MERTK: variants seen among roughly 807,000 people sequenced by gnomAD.
The protein encoded by MERTK is MER proto-oncogene, tyrosine kinase.
In MERTK, 69 loss-of-function variants were observed where a neutral mutation model predicts 99.3. The observed-to-expected ratio is 0.70, with a 90% CI of 0.57 to 0.85. The LOEUF (loss-of-function observed/expected upper bound fraction) is 0.85, where lower values mean the gene tolerates loss of function less well. MERTK is among the 40% of genes least tolerant of loss of function. The pLI is 0.00. For missense variants in MERTK, 1,125 were observed against 1,249.4 expected, an observed-to-expected ratio of 0.90 and a Z score of 1.50; for synonymous variants, 426 against 467.6, an observed-to-expected ratio of 0.91 and a Z score of 1.15.
At chr2:112,021,217 A>T (rs1351109743) in intron 16 of MERTK, 1 of 216,536 alleles carries the variant, frequency 4.6e-6, no homozygotes, top group Non-Finnish European at 7.9e-6. Flanking sequence ...TCAAAAAAAA[A>T]ATTGCATCAC....
chr2:111,940,767 A>G, intron 2 of MERTK: 1 of 1,001,992 alleles, frequency 1.0e-6, no homozygotes, highest in Non-Finnish European at 1.6e-6. Context: ...CTCCATATTC[A>G]AATCTAACAG....
chr2:111,903,952 T>C (rs1684091458), intron 1 of MERTK, among the ~76,000 whole-genome samples: 1 of 152,236 alleles, frequency 6.6e-6, no homozygotes, highest in African/African-American at 2.4e-5. Flanking sequence ...GAGGGTTCTT[T>C]TCTTATTGAA....
chr2:111,962,153 A>G (rs931182864), intron 4 of MERTK, among the ~76,000 whole-genome samples: 1 of 152,228 alleles, frequency 6.6e-6, no homozygotes, highest in Non-Finnish European at 1.5e-5. Flanking sequence ...TGTGTGCCAC[A>G]GATATAGAAG....
intron 1 of MERTK, among the ~76,000 whole-genome samples, chr2:111,900,615 G>A (rs561575574): frequency 1.3e-5 from 2 of 152,264 alleles, no homozygotes; most frequent in African/African-American, 4.8e-5. Flanking sequence ...TTTTGTAGCT[G>A]ACAATCAACT....
chr2:111,905,190 A>G (rs7595212), intron 1 of MERTK, among the ~76,000 whole-genome samples: 34,962 of 152,072 alleles, frequency 0.23, 4,335 homozygotes, highest in Middle Eastern at 0.37. Context: ...AGCCACAGGA[A>G]GGGAGGGCCT....
At chr2:111,968,321 T>C in intron 6 of MERTK, 69 bp downstream of exon 6, 1 of 1,289,640 alleles carries the variant, frequency 7.8e-7, no homozygotes. Context: ...TTTTTCTTCC[T>C]TCCAAGGATG....
intron 1 of MERTK, among the ~76,000 whole-genome samples, chr2:111,928,143 G>A (rs1684601747): frequency 6.6e-6 from 1 of 151,504 alleles, no homozygotes; most frequent in Non-Finnish European, 1.5e-5. Context: ...TTCTATAGCT[G>A]GTAACTTAAG....
intron 2 of MERTK, among the ~76,000 whole-genome samples, chr2:111,943,902 C>G (rs145118954): frequency 0.01 from 1,575 of 152,248 alleles, 16 homozygotes; most frequent in Middle Eastern, 0.031. Context: ...TGGAGCCCCC[C>G]TAGTCATTGT....
intron 4 of MERTK, among the ~76,000 whole-genome samples, chr2:111,948,391 C>T (rs1684997534): frequency 6.6e-6 from 1 of 152,160 alleles, no homozygotes; most frequent in Non-Finnish European, 1.5e-5. Flanking sequence ...AGATGCTTCC[C>T]CTTGGGAGAG....
At chr2:111,996,945 T>G in intron 9 of MERTK, 1 of 272,840 alleles carries the variant, frequency 3.7e-6, no homozygotes, top group Non-Finnish European at 7.2e-6. Flanking sequence ...GTTTCTAACA[T>G]TTTAAACTAC....
Position 111,933,762 on chromosome 2 carries a change from G to A in MERTK, c.482+4222G>A, listed in dbSNP as rs530491371. 3.3e-5 allele frequency among the ~76,000 whole-genome samples: 5 copies of A among 152,156 alleles called. No individual in the cohort carries two copies. In the South Asian group the frequency reaches 6.2e-4, roughly 19 times the overall value. ...ATACTTTAAGTTCTGGGATACATGTGCAGAATGTGCAGGTTTGTTACATAG... is the reference window on the plus strand; with the variant it reads ...ATACTTTAAGTTCTGGGATACATGTACAGAATGTGCAGGTTTGTTACATAG... On this transcript the variant is annotated intron_variant, in intron 2 of 18. Coordinates refer to ENST00000295408, the MANE Select transcript of MERTK (RefSeq NM_006343.3).
At chr2:111,925,758 A>G (rs900757147) in intron 1 of MERTK, among the ~76,000 whole-genome samples, 7 of 152,116 alleles carry the variant, frequency 4.6e-5, no homozygotes, top group Non-Finnish European at 4.4e-5. Context: ...ACTGAAGATT[A>G]TACCCCAAAT....
chr2:111,910,678 A>G (rs923426336), intron 1 of MERTK, among the ~76,000 whole-genome samples: 11 of 151,852 alleles, frequency 7.2e-5, no homozygotes, highest in Non-Finnish European at 1.6e-4. Context: ...AAATCCTGTC[A>G]TTGGTAGCAA....
rs558724068 is a variant in MERTK, at chr2:111,924,101, A to G, written c.62-5019A>G. On this transcript the variant is annotated intron_variant, in intron 1 of 18. Transcript: ENST00000295408. ...AAAATTGTGCAGTACGAGCCTCACC[A>G]ATCTCACCAGCCACGTGGGGGTCCA... is the stretch of plus-strand genomic sequence containing the variant. Among the ~76,000 whole-genome samples the G allele has an allele frequency of 3.9e-3, 593 of 152,312 alleles. 2 individuals are homozygous for G. Among genetic ancestry groups the G allele is most frequent in the African/African-American group, 0.014 (564 of 41,580 alleles).
intron 1 of MERTK, among the ~76,000 whole-genome samples, chr2:111,902,310 A>T (rs1352909453): frequency 3.9e-5 from 6 of 152,254 alleles, no homozygotes; most frequent in Admixed American, 3.9e-4. Context: ...AATTGGGAAC[A>T]TGCTGCTGGG....
intron 4 of MERTK, 44 bp from the exon 5 acceptor site, chr2:111,965,147 C>T: frequency 6.5e-7 from 1 of 1,540,902 alleles, no homozygotes; most frequent in Non-Finnish European, 9.0e-7. Flanking sequence ...TGAACAGCAG[C>T]CTGTTTCTCT....
At chr2:111,994,184 T>C in intron 8 of MERTK, 67 bp from the exon 9 acceptor site, 1 of 1,582,296 alleles carries the variant, frequency 6.3e-7, no homozygotes, top group Non-Finnish European at 8.7e-7. Flanking sequence ...CAGAAGGAAC[T>C]GTAGATGCAC....
rs775953211 is a variant in MERTK at position 111,968,138 on chromosome 2, A to G, written c.846A>G (p.Ala282=). Residue 282 remains alanine (A), a splice_region_variant and synonymous_variant, in exon 6 of 19, where the codon GCA becomes GCG. Coordinates refer to ENST00000295408, the MANE Select transcript of MERTK (RefSeq NM_006343.3). ...GTGTGTGTGTTTTGTTTTATGCAGC[A>G]ATTCCCTCCCCACCAACTGAAGTCA... ...VSKGVQINIK[A]IPSPPTEVSI... The G allele has an allele frequency of 1.2e-5, 20 of 1,607,222 alleles. No individual in the cohort carries two copies. Among genetic ancestry groups the G allele is most frequent in the Non-Finnish European group, 1.5e-5 (18 of 1,174,474 alleles).
At chr2:111,905,433 C>CTTTTTTTTTTTT (rs61232340) in intron 1 of MERTK, among the ~76,000 whole-genome samples, 1 of 85,276 alleles carries the variant, frequency 1.2e-5, no homozygotes, top group Non-Finnish European at 2.0e-5. Context: ...CTACACTGTT[C>CTTTTTTTTTTTT]TTTTTTTTTT....
Sources: allele counts gnomAD v4.1 joint callset (sites outside exome capture counted in the v4.1 genomes callset), GRCh38; gene constraint gnomAD v4.1.1; transcripts MANE v1.5; gene names NCBI Gene and HGNC (gene_info 2026-07-23, HGNC 2026-07-21).